SPATA9: variants seen among roughly 807,000 people sequenced by gnomAD.
SPATA9 encodes spermatogenesis-associated protein 9.
SPATA9 carries 27 observed loss-of-function variants against 25.5 expected under a neutral mutation model. That is an observed-to-expected ratio of 1.06 (90% CI 0.78 to 1.46). The LOEUF is 1.46. Among genes scored for constraint, SPATA9 ranks in the 40% most tolerant of loss-of-function variants. SPATA9 has a pLI of 0.00. For synonymous variants in SPATA9, 102 were observed against 105.7 expected, an observed-to-expected ratio of 0.97 and a Z score of 0.21; for missense variants, 282 against 297.5, an observed-to-expected ratio of 0.95 and a Z score of 0.38.
the SPATA9 span, among the ~76,000 whole-genome samples, chr5:95,726,894 T>TA: frequency 6.6e-6 from 1 of 152,192 alleles, no homozygotes; most frequent in Non-Finnish European, 1.5e-5. Context: ...TCTGCCCACT[T>TA]ACTGGTCAAC....
At chr5:95,661,348 A>T (rs1281498210) in intron 4 of SPATA9, among the ~76,000 whole-genome samples, 1 of 152,122 alleles carries the variant, frequency 6.6e-6, no homozygotes, top group African/African-American at 2.4e-5. Flanking sequence ...CTCGTAGGAC[A>T]TTAACATCTA....
downstream of SPATA9, chr5:95,656,452 A>G (rs1387485524): frequency 3.2e-6 from 2 of 622,570 alleles, no homozygotes; most frequent in East Asian, 5.5e-5. Flanking sequence ...GTTTAAGAGC[A>G]CACATACTTA....
At chr5:95,715,791 TTAAC>T in the SPATA9 span, among the ~76,000 whole-genome samples, 2 of 152,172 alleles carry the variant, frequency 1.3e-5, 1 homozygote, top group African/African-American at 4.8e-5. Flanking sequence ...AACTAAAAGA[TTAAC>T]TACAGAATGA....
chr5:95,685,568 G>C (rs572915802), upstream of SPATA9, among the ~76,000 whole-genome samples: 30 of 152,312 alleles, frequency 2.0e-4, no homozygotes, highest in South Asian at 6.2e-3. Flanking sequence ...TGTGCTTTGT[G>C]ACTATGCACA....
the SPATA9 span, among the ~76,000 whole-genome samples, chr5:95,723,925 A>G: frequency 1.3e-5 from 2 of 152,218 alleles, no homozygotes; most frequent in African/African-American, 4.8e-5. Flanking sequence ...GCTATAAATT[A>G]CATGCATATG....
At chr5:95,731,281 C>T in the SPATA9 span, 6 of 1,020,696 alleles carry the variant, frequency 5.9e-6, no homozygotes, top group Non-Finnish European at 7.0e-6. Flanking sequence ...GGCGGAGGCC[C>T]CGATCTCCCC....
intron 3 of SPATA9, among the ~76,000 whole-genome samples, chr5:95,670,179 C>A (rs987834280): frequency 6.6e-6 from 1 of 152,042 alleles, no homozygotes; most frequent in African/African-American, 2.4e-5. Flanking sequence ...CAGAAAGGCC[C>A]GGGTGGATGG....
At chr5:95,702,973 T>C (rs1164530947), upstream of SPATA9, among the ~76,000 whole-genome samples, 27 of 152,254 alleles carry the variant, frequency 1.8e-4, no homozygotes, top group Admixed American at 1.4e-3. Context: ...TTCATTTATT[T>C]CTTTAAAATT....
At chr5:95,668,401 C>A (rs1752033637) in intron 3 of SPATA9, among the ~76,000 whole-genome samples, 1 of 152,120 alleles carries the variant, frequency 6.6e-6, no homozygotes, top group Non-Finnish European at 1.5e-5. Context: ...TGGCAAGTAG[C>A]CATTTTTCAA....
At chr5:95,674,790 T>G (rs1561407081) in intron 3 of SPATA9, 1 of 456,672 alleles carries the variant, frequency 2.2e-6, no homozygotes, top group Middle Eastern at 3.3e-4. Context: ...TTTCTTCTCC[T>G]TCAACAAAGA....
intron 1 of SPATA9, among the ~76,000 whole-genome samples, chr5:95,692,972 G>A (rs1201823556): frequency 6.6e-6 from 1 of 152,046 alleles, no homozygotes; most frequent in Non-Finnish European, 1.5e-5. Flanking sequence ...TTCTTTTATA[G>A]CCCACTAATT....
intron 1 of SPATA9, among the ~76,000 whole-genome samples, chr5:95,694,903 G>C (rs1311494818): frequency 2.6e-5 from 4 of 152,034 alleles, no homozygotes; most frequent in South Asian, 4.2e-4. Flanking sequence ...GGCACCAGAG[G>C]AAGCTACATA....
At chr5:95,724,372 A>G in the SPATA9 span, among the ~76,000 whole-genome samples, 1 of 152,268 alleles carries the variant, frequency 6.6e-6, no homozygotes, top group Non-Finnish European at 1.5e-5. Context: ...ACATTTTTAC[A>G]TGTTTAACAC....
upstream of SPATA9, among the ~76,000 whole-genome samples, chr5:95,686,187 G>A (rs1194740833): frequency 6.6e-6 from 1 of 152,054 alleles, no homozygotes; most frequent in African/African-American, 2.4e-5. Flanking sequence ...TATATGCAGG[G>A]CTATTCTGAA....
At chr5:95,698,324 G>C (rs755423189) in intron 1 of SPATA9, among the ~76,000 whole-genome samples, 49 of 151,968 alleles carry the variant, frequency 3.2e-4, no homozygotes, top group African/African-American at 8.9e-4. Context: ...GAGAGGGAAG[G>C]CTAAGTTCAC....
chr5:95,666,467 T>C (rs1751813594), intron 3 of SPATA9, among the ~76,000 whole-genome samples: 1 of 152,324 alleles, frequency 6.6e-6, no homozygotes, highest in Admixed American at 6.5e-5. Flanking sequence ...TCTCATAGAT[T>C]TGCTGTAAAA....
chr5:95,656,363 A>G (rs1750763351), downstream of SPATA9: 3 of 1,406,744 alleles, frequency 2.1e-6, no homozygotes, highest in Non-Finnish European at 2.9e-6. Context: ...CATTTTTAGA[A>G]TAACTCTGCT....
chr5:95,665,918 G>C (rs1751763479), intron 3 of SPATA9, among the ~76,000 whole-genome samples: 1 of 152,216 alleles, frequency 6.6e-6, no homozygotes, highest in Non-Finnish European at 1.5e-5. Flanking sequence ...GCAGTGAGCT[G>C]AAATCATGCC....
the SPATA9 span, among the ~76,000 whole-genome samples, chr5:95,727,418 G>A: frequency 6.6e-6 from 1 of 152,152 alleles, no homozygotes; most frequent in African/African-American, 2.4e-5. Context: ...CACAATTTGG[G>A]GACTAGTAAT....
Sources: allele counts gnomAD v4.1 joint callset (sites outside exome capture counted in the v4.1 genomes callset), GRCh38; gene constraint gnomAD v4.1.1; transcripts MANE v1.5; gene names NCBI Gene and HGNC (gene_info 2026-07-23, HGNC 2026-07-21).